SLC12A5: variants seen among roughly 807,000 people sequenced by gnomAD.
The protein encoded by SLC12A5 is K-Cl cotransporter 2.
A neutral mutation model predicts 124.0 loss-of-function variants in SLC12A5; 18 were observed. The observed-to-expected ratio is 0.15, with a 90% CI of 0.10 to 0.22. The LOEUF is 0.22. Among genes scored for constraint, SLC12A5 ranks in the 10% least tolerant of loss-of-function variants. The pLI, the probability that SLC12A5 is intolerant of heterozygous loss-of-function variation, is 1.00. For synonymous variants in SLC12A5, 589 were observed against 568.0 expected (o/e 1.04, Z -0.53); for missense variants, 867 against 1,478.7 (o/e 0.59, Z 6.78).
intron 8 of SLC12A5, among the ~76,000 whole-genome samples, chr20:46,042,540 G>A (rs369400360): frequency 1.3e-5 from 2 of 152,096 alleles, no homozygotes; most frequent in African/African-American, 4.8e-5. Context: ...AACTGGAGGG[G>A]TGTACCTGGC....
intron 6 of SLC12A5, chr20:46,038,203 T>G (rs1235978355): frequency 1.3e-5 from 2 of 152,062 alleles, no homozygotes; most frequent in Admixed American, 6.6e-5. Flanking sequence ...TTTATTTTAT[T>G]TTTTATTTCT....
At chr20:46,026,883 G>A (rs558057895), upstream of SLC12A5, among the ~76,000 whole-genome samples, 23 of 152,234 alleles carry the variant, frequency 1.5e-4, no homozygotes, top group Admixed American at 7.8e-4. Flanking sequence ...GCCTTCACCC[G>A]TACTCCCTAG....
In SLC12A5 at chr20:46,045,065, T is replaced by A. The variant is rs2084582014; in HGVS notation, c.1494T>A (p.Ala498=). ...VIGSFFSTCG[A]GLQSLTGAPR... is the part of the protein sequence containing the mutation. ...GATCCTTCTTCTCCACCTGTGGGGC[T>A]GGGCTGCAGAGCCTCACGGGGGCCC... is the stretch of plus-strand genomic sequence containing the variant. The change falls in exon 12 of 26, where the codon GCT becomes GCA. Residue 498 remains alanine (A), a synonymous_variant. Coordinates refer to ENST00000243964, the MANE Select transcript of SLC12A5 (RefSeq NM_020708.5). This position sits in a 1 kb window ranked among gnomAD's most constrained non-coding sequence, Gnocchi z 4.9. 6.2e-7 allele frequency: 1 copy of A among 1,613,790 alleles called. No homozygotes were observed. The highest frequency in any genetic ancestry group is 8.5e-7 in the Non-Finnish European group (1 of 1,179,906).
Position 46,057,663 on chromosome 20 carries a change from G to A in SLC12A5, c.*58G>A, listed in dbSNP as rs1209194231. 5 of 1,318,664 alleles carry A rather than the reference G, an allele frequency of 3.8e-6. No homozygotes were observed. The highest frequency in any genetic ancestry group is 4.9e-5 in the East Asian group (2 of 40,910). 81.7% of individuals were successfully genotyped at this position (1,318,664 alleles called of 1,614,324 possible). On this transcript the variant is annotated 3_prime_UTR_variant, in exon 26 of 26. Transcript: ENST00000243964. The surrounding 1 kb of genome is among the most constrained non-coding windows in gnomAD (Gnocchi z 7.1). ...CCCGGCCCGCGGCTCCGGAGCCCTC[G>A]CCGCGCCCCCCGCCGCTGTCACCGT...
At chr20:46,039,026 C>T (rs181976937) in intron 6 of SLC12A5, among the ~76,000 whole-genome samples, 4 of 152,220 alleles carry the variant, frequency 2.6e-5, no homozygotes, top group Admixed American at 2.0e-4. Flanking sequence ...ATATCCAAGT[C>T]ATGAAAAAAT....
chr20:46,045,149 G>C lies in SLC12A5; in HGVS notation c.1569+9G>C. ...TTGTGCCCTTCCTGCAGGTCAGTGTGGGAGAAGAACAGCCCACCCTCAGTA... is the reference window on the plus strand; with the variant it reads ...TTGTGCCCTTCCTGCAGGTCAGTGTCGGAGAAGAACAGCCCACCCTCAGTA... On this transcript the variant is annotated intron_variant, in intron 12 of 25. Transcript: ENST00000243964. This position sits in a 1 kb window ranked among gnomAD's most constrained non-coding sequence, Gnocchi z 4.9. 6.4e-7 allele frequency: 1 copy of C among 1,559,930 alleles called. No homozygotes were observed. Among genetic ancestry groups the C allele is most frequent in the Non-Finnish European group, 8.7e-7 (1 of 1,155,056 alleles).
intron 1 of SLC12A5, chr20:46,022,111 C>A: frequency 5.2e-6 from 1 of 192,024 alleles, no homozygotes; most frequent in East Asian, 9.7e-5. Context: ...GGCGTGGCCA[C>A]GAGGGAAAGG....
intron 6 of SLC12A5, among the ~76,000 whole-genome samples, chr20:46,039,337 A>G (rs2084524928): frequency 6.6e-6 from 1 of 152,216 alleles, no homozygotes; most frequent in Non-Finnish European, 1.5e-5. Context: ...ACTTATGAAA[A>G]CACATACAGA....
At position 46,035,934 on chromosome 20, in the gene SLC12A5, C is replaced by A; in HGVS notation, c.426+11C>A. On this transcript the variant is annotated intron_variant, in intron 4 of 25. Transcript: ENST00000243964. ...ATCTGCTGCTCCTGTGTGAGTGACA[C>A]CCCTCCCCTCACCACCCCCTGACAG... 2 of 1,600,050 alleles carry A rather than the reference C, an allele frequency of 1.2e-6. No individual in the cohort carries two copies. The highest frequency in any genetic ancestry group is 1.7e-6 in the Non-Finnish European group (2 of 1,169,458).
Position 46,022,977 on chromosome 20 carries a change from A to AGGAGGAGGAGGAC in SLC12A5, c.97_98insGAGGAGGAGGACG (p.Gly34ArgfsTer101). ...AGGAGGAGGAGGAGGAGGAGGAGGA[A>AGGAGGAGGAGGAC]GAGGAGGAGGAGGAAGAGGAGGAGG... On this transcript the variant is annotated frameshift_variant, in exon 2 of 3. Transcript: ENST00000413737. LOFTEE classifies it high-confidence loss of function. 2 of 249,040 alleles carry AGGAGGAGGAGGAC rather than the reference A, an allele frequency of 8.0e-6. No individual in the cohort carries two copies. Among genetic ancestry groups the AGGAGGAGGAGGAC allele is most frequent in the Non-Finnish European group, 1.3e-5 (2 of 151,094 alleles). 15.4% of individuals were successfully genotyped at this position (249,040 alleles called of 1,614,324 possible).
At chr20:46,021,836 G>A (rs777681627), upstream of SLC12A5, 30 of 1,533,422 alleles carry the variant, frequency 2.0e-5, 1 homozygote, top group Middle Eastern at 4.1e-4. Context: ...CCAGAGTCCC[G>A]CCGGCATTCG....
chr20:46,048,009 C>A lies in SLC12A5; in HGVS notation c.1936C>A (p.Arg646=), dbSNP rs771263913. The change falls in exon 16 of 26, where the codon CGA becomes AGA. Residue 646 remains arginine (R), a synonymous_variant. Coordinates refer to ENST00000243964, the MANE Select transcript of SLC12A5 (RefSeq NM_020708.5). ...GAEKEWGDGI[R]GLSLSAARYA... is the part of the protein sequence containing the mutation. ...AGAGAAGGAGTGGGGCGATGGGATACGAGGTCTGTCTCTCAGTGCGGCTCG... is the reference window on the plus strand; with the variant it reads ...AGAGAAGGAGTGGGGCGATGGGATAAGAGGTCTGTCTCTCAGTGCGGCTCG... 4.4e-5 allele frequency: 71 copies of A among 1,612,176 alleles called. No individual in the cohort carries two copies. The highest frequency in any genetic ancestry group is 6.7e-5 in the African/African-American group (5 of 74,866).
chr20:46,032,853 C>T (rs1382041770), intron 1 of SLC12A5, among the ~76,000 whole-genome samples: 1 of 152,164 alleles, frequency 6.6e-6, no homozygotes, highest in Non-Finnish European at 1.5e-5. Flanking sequence ...TGTTCTCTGG[C>T]CCCAGAGAGC....
At chr20:46,042,444 G>C (rs1171753495) in intron 8 of SLC12A5, among the ~76,000 whole-genome samples, 2 of 152,086 alleles carry the variant, frequency 1.3e-5, no homozygotes, top group Admixed American at 1.3e-4. Flanking sequence ...TGATGTCTGT[G>C]GGAATTACTG....
rs141289024 is a variant in SLC12A5, at chr20:46,050,908, T to G, written c.2182-767T>G. Reference sequence around the variant, plus strand: ...GGCAGGATACTAACTAAGCCCTATGTGCATGATGACATGTGGTTCTCCCTA... The same window carrying G: ...GGCAGGATACTAACTAAGCCCTATGGGCATGATGACATGTGGTTCTCCCTA... On this transcript the variant is annotated intron_variant, in intron 17 of 25. Coordinates refer to ENST00000243964, the MANE Select transcript of SLC12A5 (RefSeq NM_020708.5). 3.3e-5 allele frequency among the ~76,000 whole-genome samples: 5 copies of G among 152,342 alleles called. No homozygotes were observed. The East Asian group carries it at 9.6e-4, about 29-fold the overall frequency.
At chr20:46,036,672 G>C (rs562954904) in intron 4 of SLC12A5, 69 bp from the exon 5 acceptor site, 7 of 1,565,738 alleles carry the variant, frequency 4.5e-6, no homozygotes, top group Non-Finnish European at 6.2e-6. Flanking sequence ...GGGGTATAAG[G>C]CTTGGCCCCC....
chr20:46,029,737 C>T (rs1242063425), intron 1 of SLC12A5, among the ~76,000 whole-genome samples: 1 of 152,158 alleles, frequency 6.6e-6, no homozygotes, highest in Non-Finnish European at 1.5e-5. Flanking sequence ...AGGAGGGCTC[C>T]TTTCCCCGAC....
intron 6 of SLC12A5, among the ~76,000 whole-genome samples, chr20:46,039,901 G>A (rs1464264537): frequency 3.3e-5 from 5 of 151,946 alleles, no homozygotes; most frequent in African/African-American, 1.2e-4. Flanking sequence ...ACCCAACCTC[G>A]AGTGATGAAC....
At chr20:46,055,827 G>T (rs1445534418) in intron 21 of SLC12A5, 1 of 318,260 alleles carries the variant, frequency 3.1e-6, no homozygotes, top group Non-Finnish European at 5.9e-6. Context: ...GTTATCCAAG[G>T]GAGGTAGTAA....
Sources: gnomAD v4.1 joint callset for allele counts (sites outside exome capture counted in the v4.1 genomes callset) on GRCh38, gnomAD v4.1.1 for gene constraint, Gnocchi (gnomAD v3.1) non-coding constraint, MANE v1.5 for transcripts, NCBI Gene and HGNC (gene_info 2026-07-23, HGNC 2026-07-21) for gene names.